ATCAY: variants seen among roughly 807,000 people sequenced by gnomAD.
The protein encoded by ATCAY is ATCAY kinesin light chain interacting caytaxin, also known as caytaxin.
A neutral mutation model predicts 47.7 loss-of-function variants in ATCAY; 22 were observed. The ratio of observed to expected loss-of-function variants is 0.46; its 90% CI spans 0.33 to 0.66. The LOEUF (loss-of-function observed/expected upper bound fraction) is 0.66, where lower values mean the gene tolerates loss of function less well. Ranked by LOEUF, ATCAY falls within the 30% of genes least tolerant of loss-of-function variation. ATCAY has a pLI of 0.02. For missense variants in ATCAY, 452 were observed against 515.0 expected (o/e 0.88, Z 1.18); for synonymous variants, 216 against 207.6 (o/e 1.04, Z -0.35).
chr19:3,905,197 G>A (rs2038849494), intron 3 of ATCAY, among the ~76,000 whole-genome samples: 1 of 152,116 alleles, frequency 6.6e-6, no homozygotes, highest in African/African-American at 2.4e-5. Flanking sequence ...CAATGTCCAA[G>A]CATCCATCCC....
At chr19:3,914,743 C>A (rs1352022522) in intron 9 of ATCAY, among the ~76,000 whole-genome samples, 17 of 151,878 alleles carry the variant, frequency 1.1e-4, no homozygotes, top group African/African-American at 4.1e-4. Context: ...ATCGCTTGAA[C>A]CTGGGAGGCA....
chr19:3,886,719 C>CT (rs546816341), intron 2 of ATCAY, among the ~76,000 whole-genome samples: 5,732 of 131,402 alleles, frequency 0.044, 373 homozygotes, highest in African/African-American at 0.12. Flanking sequence ...ACATGCTGAA[C>CT]TTTTTTTTTT....
At chr19:3,914,878 AC>A (rs1196095679) in intron 9 of ATCAY, among the ~76,000 whole-genome samples, 1 of 149,250 alleles carries the variant, frequency 6.7e-6, no homozygotes, top group East Asian at 2.0e-4. Flanking sequence ...CACCCCCAAC[AC>A]CCCCCCACCG....
At chr19:3,901,966 A>G (rs1267621097) in intron 2 of ATCAY, among the ~76,000 whole-genome samples, 1 of 152,058 alleles carries the variant, frequency 6.6e-6, no homozygotes, top group African/African-American at 2.4e-5. Flanking sequence ...ACTCTACTCC[A>G]TCCAGCCTGG....
intron 2 of ATCAY, among the ~76,000 whole-genome samples, chr19:3,892,776 C>T (rs1329209312): frequency 1.3e-5 from 2 of 151,908 alleles, no homozygotes; most frequent in African/African-American, 2.4e-5. Context: ...GGTGTGGTGG[C>T]GGGCACCTGT....
At position 3,926,256 on chromosome 19, in the gene ATCAY, A is replaced by G. The variant is rs1213601163; in HGVS notation, c.*1664A>G. 1 of 152,392 alleles carries G rather than the reference A, an allele frequency of 6.6e-6. No homozygotes were observed. The highest frequency in any genetic ancestry group is 1.5e-5 in the Non-Finnish European group (1 of 68,196). The allele number at this position is 152,392 out of a possible 1,614,324, so 9.4% of individuals were successfully genotyped here. A position where few individuals can be genotyped will look rare whatever the true frequency, so the allele number is the denominator to read the frequency against. On this transcript the variant is annotated 3_prime_UTR_variant, in exon 13 of 13. Coordinates refer to ENST00000450849, the MANE Select transcript of ATCAY (RefSeq NM_033064.5). ...AGGAGGCAGAGGTTGCAGTGATCCA[A>G]GATCATGCCACTGCACTCCAGCCTG...
At chr19:3,914,623 C>T (rs1209135935) in intron 9 of ATCAY, among the ~76,000 whole-genome samples, 1 of 152,016 alleles carries the variant, frequency 6.6e-6, no homozygotes, top group Non-Finnish European at 1.5e-5. Context: ...GAGTTCGAGA[C>T]TAGCCTGGCC....
At chr19:3,882,478 C>T (rs2038610716) in intron 1 of ATCAY, among the ~76,000 whole-genome samples, 1 of 149,110 alleles carries the variant, frequency 6.7e-6, no homozygotes. Flanking sequence ...GCACCCATCA[C>T]CATGTTTGGT....
chr19:3,904,781 G>A (rs982851782), intron 3 of ATCAY, among the ~76,000 whole-genome samples: 3 of 152,110 alleles, frequency 2.0e-5, no homozygotes, highest in Admixed American at 6.6e-5. Context: ...AGGAGGGTGA[G>A]AGTCAGAGAA....
chr19:3,914,003 G>A (rs1209249834), intron 9 of ATCAY, 147 bp downstream of exon 9: 11 of 635,842 alleles, frequency 1.7e-5, no homozygotes, highest in Non-Finnish European at 2.5e-5. Flanking sequence ...TTGGGAGGCT[G>A]AGGCGGGCGG....
intron 2 of ATCAY, among the ~76,000 whole-genome samples, chr19:3,886,628 C>T (rs1240884956): frequency 6.6e-6 from 1 of 150,776 alleles, no homozygotes; most frequent in Non-Finnish European, 1.5e-5. Context: ...TGGTGTCATG[C>T]GCCTATAATT....
intron 9 of ATCAY, among the ~76,000 whole-genome samples, chr19:3,914,824 GA>G (rs35419791): frequency 4.5e-4 from 64 of 141,898 alleles, no homozygotes; most frequent in Admixed American, 1.1e-3. Flanking sequence ...TCCGTCTCAA[GA>G]AAAAAAAAAA....
chr19:3,918,303 T>C (rs561800207), intron 10 of ATCAY, among the ~76,000 whole-genome samples: 134 of 151,870 alleles, frequency 8.8e-4, no homozygotes, highest in African/African-American at 3.2e-3. Context: ...GAGAATCACT[T>C]GAACCTGGGA....
intron 9 of ATCAY, 76 bp from the exon 10 acceptor site, chr19:3,917,666 A>G (rs2145262375): frequency 6.5e-7 from 1 of 1,528,418 alleles, no homozygotes; most frequent in Non-Finnish European, 9.0e-7. Flanking sequence ...TCTGCTTGAA[A>G]AGGAAAGGGA....
Position 3,907,221 on chromosome 19 carries a change from G to C in ATCAY, c.359-513G>C, listed in dbSNP as rs2038869266. Among the ~76,000 whole-genome samples, 1 of 151,954 alleles carries C rather than the reference G, an allele frequency of 6.6e-6. No individual in the cohort carries two copies. The highest frequency in any genetic ancestry group is 1.5e-5 in the Non-Finnish European group (1 of 67,994). ...GAGCTTCGGGAGGCCAGGGTAGGAG[G>C]ATCGCTTAAGGCCAGGAGTTTGAGA... On this transcript the variant is annotated intron_variant, in intron 4 of 12. Transcript: ENST00000450849. This position sits in a 1 kb window ranked among gnomAD's most constrained non-coding sequence, Gnocchi z 5.1.
intron 2 of ATCAY, among the ~76,000 whole-genome samples, chr19:3,892,493 G>A (rs966254923): frequency 8.5e-5 from 13 of 152,134 alleles, no homozygotes; most frequent in Middle Eastern, 3.2e-3. Context: ...GAGCCACTGC[G>A]CCTGGCCTAT....
At chr19:3,902,233 G>A (rs909199157) in intron 2 of ATCAY, among the ~76,000 whole-genome samples, 1 of 152,032 alleles carries the variant, frequency 6.6e-6, no homozygotes, top group Non-Finnish European at 1.5e-5. Flanking sequence ...GAGGCAGGAG[G>A]ATCTCTTGAG....
At chr19:3,892,687 A>G (rs1401538086) in intron 2 of ATCAY, among the ~76,000 whole-genome samples, 1 of 152,126 alleles carries the variant, frequency 6.6e-6, no homozygotes, top group African/African-American at 2.4e-5. Flanking sequence ...CAGGTGGATC[A>G]CCTGAGGTCG....
At chr19:3,885,517 G>A (rs1171251072) in intron 1 of ATCAY, among the ~76,000 whole-genome samples, 1 of 151,094 alleles carries the variant, frequency 6.6e-6, no homozygotes, top group African/African-American at 2.4e-5. Flanking sequence ...TGGCACCATT[G>A]CACTACAGCC....
Sources: gnomAD v4.1 joint callset for allele counts (sites outside exome capture counted in the v4.1 genomes callset) on GRCh38, gnomAD v4.1.1 for gene constraint, Gnocchi (gnomAD v3.1) non-coding constraint, MANE v1.5 for transcripts, NCBI Gene and HGNC (gene_info 2026-07-23, HGNC 2026-07-21) for gene names.